PTPN14: variants seen among roughly 807,000 people sequenced by gnomAD.
The protein encoded by PTPN14 is protein tyrosine phosphatase non-receptor type 14, also known as tyrosine-protein phosphatase non-receptor type 14.
Under a neutral mutation model 126.8 loss-of-function variants are expected in PTPN14, and 53 were observed. That is an observed-to-expected ratio of 0.42 (90% CI 0.34 to 0.53). The LOEUF is 0.53. Among genes scored for constraint, PTPN14 ranks in the 20% least tolerant of loss-of-function variants. The probability of loss-of-function intolerance (pLI) is 0.08; values close to 1 mark genes in which losing one functional copy is unlikely to be tolerated. For synonymous variants in PTPN14, 630 were observed against 599.3 expected, an observed-to-expected ratio of 1.05 and a Z score of -0.75; for missense variants, 1,257 against 1,552.9, an observed-to-expected ratio of 0.81 and a Z score of 3.20.
chr1:214,465,725 G>C (rs540789011), intron 1 of PTPN14, among the ~76,000 whole-genome samples: 26 of 151,972 alleles, frequency 1.7e-4, no homozygotes, highest in Non-Finnish European at 3.1e-4. Context: ...CCAACTTCAT[G>C]AACAACCCTA....
At position 214,366,981 on chromosome 1, in the gene PTPN14, CT is replaced by C. The variant is rs1341414941; in HGVS notation, c.3272-2307del. ...CCTGGGTGACAGAGTGAGACTCCAT[CT>C]CAAAAAAAAAAAAAAAAATACTATG... On this transcript the variant is annotated intron_variant, in intron 17 of 18. Transcript: ENST00000366956. 7.9e-3 allele frequency among the ~76,000 whole-genome samples: 397 copies of C among 50,490 alleles called. 1 individual carries two copies. The highest frequency in any genetic ancestry group is 0.048 in the African/African-American group (349 of 7,258). 33.1% of individuals were successfully genotyped at this position (50,490 alleles called of 152,430 possible).
chr1:214,449,419 G>A (rs1244320858), intron 3 of PTPN14, among the ~76,000 whole-genome samples: 2 of 152,098 alleles, frequency 1.3e-5, no homozygotes, highest in African/African-American at 2.4e-5. Context: ...TACAGGATAG[G>A]TCTGTCTAGA....
intron 12 of PTPN14, among the ~76,000 whole-genome samples, chr1:214,385,935 T>C (rs947732097): frequency 6.6e-6 from 1 of 152,222 alleles, no homozygotes; most frequent in Non-Finnish European, 1.5e-5. Context: ...TAGTCTTGAT[T>C]GTCTTGGTTT....
intron 3 of PTPN14, among the ~76,000 whole-genome samples, chr1:214,447,829 A>G (rs1660180516): frequency 6.6e-6 from 1 of 152,250 alleles, no homozygotes; most frequent in African/African-American, 2.4e-5. Flanking sequence ...ATCTAAAAAT[A>G]TCTTTCAAAG....
chr1:214,501,108 C>A (rs59392385), intron 1 of PTPN14, among the ~76,000 whole-genome samples: 3,982 of 152,208 alleles, frequency 0.026, 166 homozygotes, highest in African/African-American at 0.09. Context: ...TGATAAATAG[C>A]GCAATTCGTC....
Position 214,384,334 on chromosome 1 carries a change from G to C in PTPN14, c.1521C>G (p.Ser507Arg). ...GGTCAGATGGACTGACAAGTTTGTTGCTGTAGACCCCCTGTGGCCCATAAG... is the reference window on the plus strand; with the variant it reads ...GGTCAGATGGACTGACAAGTTTGTTCCTGTAGACCCCCTGTGGCCCATAAG... ...TVPYGPQGVYSNKLVSPSDQR... is the reference protein window; with the variant it reads ...TVPYGPQGVYRNKLVSPSDQR... Residue 507 changes from serine (S) to arginine (R), a missense_variant, in exon 13 of 19, where the codon AGC becomes AGG. Ser to Arg is a moderately radical substitution (Grantham distance 110). Around this residue, in one of 3 missense-constraint regions of PTPN14, gnomAD observed 1,021 missense variants for 1,183.3 expected, o/e 0.86. Coordinates refer to ENST00000366956, the MANE Select transcript of PTPN14 (RefSeq NM_005401.5). This position sits in a 1 kb window ranked among gnomAD's most constrained non-coding sequence, Gnocchi z 5.3. 1 of 1,614,158 alleles carries C rather than the reference G, an allele frequency of 6.2e-7. No individual in the cohort carries two copies. Among genetic ancestry groups the C allele is most frequent in the Non-Finnish European group, 8.5e-7 (1 of 1,180,032 alleles).
rs1029226016 is a variant in PTPN14 at position 214,357,694 on chromosome 1, G to A, written c.*228C>T. 2 of 400,192 alleles carry A rather than the reference G, an allele frequency of 5.0e-6. No homozygotes were observed. The highest frequency in any genetic ancestry group is 2.0e-5 in the African/African-American group (1 of 49,724). The allele number at this position is 400,192 out of a possible 1,614,324, so 24.8% of individuals were successfully genotyped here. Reference sequence around the variant, plus strand: ...AAATGAAAAGTACTATATTACTAGGGAAACTGCATTATAATAATTCACAAA... The same window carrying A: ...AAATGAAAAGTACTATATTACTAGGAAAACTGCATTATAATAATTCACAAA... On this transcript the variant is annotated 3_prime_UTR_variant, in exon 19 of 19. Transcript: ENST00000366956.
At chr1:214,359,360 C>A (rs369654095) in intron 18 of PTPN14, among the ~76,000 whole-genome samples, 1 of 151,356 alleles carries the variant, frequency 6.6e-6, no homozygotes, top group African/African-American at 2.4e-5. Flanking sequence ...ATTACAGGCA[C>A]GCACCACCAT....
intron 1 of PTPN14, among the ~76,000 whole-genome samples, chr1:214,534,440 G>C: frequency 6.6e-6 from 1 of 152,104 alleles, no homozygotes. Flanking sequence ...TTGGCCGGGC[G>C]CGGTGGCTCA....
intron 1 of PTPN14, among the ~76,000 whole-genome samples, chr1:214,519,035 A>G (rs192634271): frequency 6.6e-6 from 1 of 152,244 alleles, no homozygotes; most frequent in South Asian, 2.1e-4. Flanking sequence ...TTGGGAGTCC[A>G]AGGCAAGCAG....
At chr1:214,466,474 T>A (rs960378249) in intron 1 of PTPN14, among the ~76,000 whole-genome samples, 9 of 152,232 alleles carry the variant, frequency 5.9e-5, no homozygotes, top group Non-Finnish European at 8.8e-5. Context: ...CAAGACTTAC[T>A]GACACCCTGA....
At chr1:214,416,849 T>G (rs1284281135) in intron 3 of PTPN14, among the ~76,000 whole-genome samples, 1 of 152,166 alleles carries the variant, frequency 6.6e-6, no homozygotes, top group Admixed American at 6.5e-5. Context: ...GATGACTAAA[T>G]TTGACAACAG....
At chr1:214,461,333 T>A (rs556112478) in intron 2 of PTPN14, among the ~76,000 whole-genome samples, 1 of 152,154 alleles carries the variant, frequency 6.6e-6, no homozygotes, top group Non-Finnish European at 1.5e-5. Flanking sequence ...CAAGACTTCA[T>A]AAAGGCTAAA....
In PTPN14 at chr1:214,355,970, T is replaced by TTG. The variant is rs1191341167; in HGVS notation, c.*1951_*1952insCA. 19 of 149,816 alleles carry TTG rather than the reference T, an allele frequency of 1.3e-4. No individual in the cohort carries two copies. Among genetic ancestry groups the TTG allele is most frequent in the African/African-American group, 4.7e-4 (19 of 40,558 alleles). 9.3% of individuals were successfully genotyped at this position (149,816 alleles called of 1,614,324 possible). A position where few individuals can be genotyped will look rare whatever the true frequency, so the allele number is the denominator to read the frequency against. On this transcript the variant is annotated 3_prime_UTR_variant, in exon 19 of 19. Transcript: ENST00000366956. ...GACAACCTTTTTTCCTTTTTTTTTT[T>TTG]TTTTTTTGGAGGCAGGGTCTCTCCG... is the stretch of plus-strand genomic sequence containing the variant.
intron 2 of PTPN14, among the ~76,000 whole-genome samples, chr1:214,463,447 A>G (rs996146382): frequency 6.6e-6 from 1 of 152,238 alleles, no homozygotes; most frequent in African/African-American, 2.4e-5. Flanking sequence ...AGAAAAATAT[A>G]CCTAAAAGGA....
At chr1:214,458,912 G>A (rs1009827456) in intron 2 of PTPN14, among the ~76,000 whole-genome samples, 1 of 152,094 alleles carries the variant, frequency 6.6e-6, no homozygotes, top group Non-Finnish European at 1.5e-5. Flanking sequence ...TAAACCCACT[G>A]ATGCAGACAT....
chr1:214,505,766 T>G (rs912837208), intron 1 of PTPN14, among the ~76,000 whole-genome samples: 1 of 152,138 alleles, frequency 6.6e-6, no homozygotes, highest in Non-Finnish European at 1.5e-5. Flanking sequence ...GGTGGTGGCA[T>G]GTGTCTGTAG....
intron 4 of PTPN14, 99 bp downstream of exon 4, chr1:214,414,530 G>A: frequency 1.9e-6 from 2 of 1,065,648 alleles, no homozygotes; most frequent in African/African-American, 1.6e-5. Flanking sequence ...ATTACTAAGG[G>A]ATCATTTAAG....
chr1:214,379,312 G>A (rs992879599), intron 13 of PTPN14, among the ~76,000 whole-genome samples: 2 of 152,162 alleles, frequency 1.3e-5, no homozygotes. Context: ...TCACTCCCCA[G>A]GAAGAGGTCT....
Sources: gnomAD v4.1 joint callset for allele counts (sites outside exome capture counted in the v4.1 genomes callset) on GRCh38, gnomAD v4.1.1 for gene constraint, gnomAD v4.1.1 regional missense constraint, Gnocchi (gnomAD v3.1) non-coding constraint, MANE v1.5 for transcripts, NCBI Gene and HGNC (gene_info 2026-07-23, HGNC 2026-07-21) for gene names.